The following NF1 variants were observed in gnomAD, a reference collection of about 807,000 sequenced individuals.
NF1 encodes neurofibromin.
A neutral mutation model predicts 325.7 loss-of-function variants in NF1; 122 were observed. That is an observed-to-expected ratio of 0.37 (90% CI 0.32 to 0.44). The LOEUF (loss-of-function observed/expected upper bound fraction) is 0.44. NF1 is among the 20% of genes least tolerant of loss of function. NF1 has a pLI of 1.00. For missense variants in NF1, 2,140 were observed against 3,415.4 expected, an observed-to-expected ratio of 0.63 and a Z score of 9.31; for synonymous variants, 1,091 against 1,186.0, an observed-to-expected ratio of 0.92 and a Z score of 1.65.
chr17:31,349,407 G>T (rs1463798196), intron 49 of NF1, among the ~76,000 whole-genome samples, 156 bp downstream of exon 49: 1 of 152,056 alleles, frequency 6.6e-6, no homozygotes. Flanking sequence ...TGAGAGTTTT[G>T]CCAGAACATT....
intron 36 of NF1, among the ~76,000 whole-genome samples, chr17:31,280,546 A>T (rs1567872174): frequency 1.3e-5 from 2 of 150,090 alleles, no homozygotes; most frequent in Admixed American, 6.6e-5. Flanking sequence ...AAAAAGTAAG[A>T]ATCATACTTA....
intron 32 of NF1, among the ~76,000 whole-genome samples, 167 bp downstream of exon 32, chr17:31,258,669 C>A (rs1446859079): frequency 6.6e-6 from 1 of 152,032 alleles, no homozygotes; most frequent in Admixed American, 6.6e-5. Flanking sequence ...TAGTTAGGTA[C>A]CTGATGGACC....
rs74267083 is a variant in NF1 at position 31,141,309 on chromosome 17, GT to G, written c.61-14660del. 9.8e-3 allele frequency among the ~76,000 whole-genome samples: 1,304 copies of G among 132,436 alleles called. 18 individuals are homozygous for G. The highest frequency in any genetic ancestry group is 0.029 in the African/African-American group (1,071 of 36,502). The allele number at this position is 132,436 out of a possible 152,430, so 86.9% of individuals were successfully genotyped here. ...CTGACACATAGAAGGTGTTAATCTT[GT>G]TTTTTTTTTTTTTAGGTATCTGAAA... On this transcript the variant is annotated intron_variant, in intron 1 of 57. Transcript: ENST00000358273.
At chr17:31,142,897 T>G (rs553623196) in intron 1 of NF1, among the ~76,000 whole-genome samples, 1 of 151,856 alleles carries the variant, frequency 6.6e-6, no homozygotes, top group African/African-American at 2.4e-5. Context: ...AATGAGATGG[T>G]CATATTTTTA....
chr17:31,243,154 T>C (rs571893790), intron 29 of NF1, among the ~76,000 whole-genome samples: 10 of 128,670 alleles, frequency 7.8e-5, no homozygotes, highest in Admixed American at 1.6e-4. Context: ...TACTTTCCTC[T>C]AAACAAACAG....
At chr17:31,334,663 G>T (rs758315470) in intron 39 of NF1, 175 bp from the exon 40 acceptor site, 69 of 600,172 alleles carry the variant, frequency 1.1e-4, no homozygotes, top group Non-Finnish European at 1.8e-4. Flanking sequence ...CTTTCTTCAA[G>T]GACTGTTCTT....
intron 1 of NF1, chr17:31,138,596 GT>G (rs764491897): frequency 1.4e-3 from 176 of 129,012 alleles, no homozygotes; most frequent in African/African-American, 2.5e-3. Context: ...GCATTCTTTA[GT>G]TTTTTTTTTT....
intron 31 of NF1, chr17:31,257,805 T>C (rs887424519): frequency 6.6e-6 from 1 of 152,248 alleles, no homozygotes; most frequent in African/African-American, 2.4e-5. Flanking sequence ...TTTTTTTTTT[T>C]CTCAGTAAGA....
intron 29 of NF1, 127 bp from the exon 30 acceptor site, chr17:31,248,857 T>C (rs1308823351): frequency 2.3e-6 from 2 of 867,228 alleles, no homozygotes; most frequent in Admixed American, 2.7e-5. Flanking sequence ...GTTGGTTGTT[T>C]AAAGATTCCA....
At position 31,228,337 on chromosome 17, in the gene NF1, A is replaced by G. The variant is rs17886172; in HGVS notation, c.2410-688A>G. 1.8e-3 allele frequency among the ~76,000 whole-genome samples: 273 copies of G among 152,320 alleles called. 1 individual carries two copies. The highest frequency in any genetic ancestry group is 6.2e-3 in the African/African-American group (256 of 41,560). On this transcript the variant is annotated intron_variant, in intron 20 of 57. Coordinates refer to ENST00000358273, the MANE Select transcript of NF1 (RefSeq NM_001042492.3). ...GGTGTTTTTGTCATGCTTAATTACAATAGGAAAAAGTTATATTTTTACGAA... is the reference window on the plus strand; with the variant it reads ...GGTGTTTTTGTCATGCTTAATTACAGTAGGAAAAAGTTATATTTTTACGAA...
At position 31,200,601 on chromosome 17, in the gene NF1, A is replaced by G. The variant is rs1060500291; in HGVS notation, c.1062+6A>G. ...CCATGGTGGTTGATCTTAAGGTAACATGCTTATTCTTTCTCTACTACAAAC... is the reference window on the plus strand; with the variant it reads ...CCATGGTGGTTGATCTTAAGGTAACGTGCTTATTCTTTCTCTACTACAAAC... On this transcript the variant is annotated splice_donor_region_variant and intron_variant, in intron 9 of 57. Coordinates refer to ENST00000358273, the MANE Select transcript of NF1 (RefSeq NM_001042492.3). 2 of 1,613,770 alleles carry G rather than the reference A, an allele frequency of 1.2e-6. No homozygotes were observed. Among genetic ancestry groups the G allele is most frequent in the South Asian group, 1.1e-5 (1 of 91,078 alleles).
At chr17:31,304,716 A>C in intron 36 of NF1, 1 of 1,614,192 alleles carries the variant, frequency 6.2e-7, no homozygotes, top group Non-Finnish European at 8.5e-7. Flanking sequence ...TGGAGTCTTC[A>C]ATGTTTTCAC....
intron 1 of NF1, among the ~76,000 whole-genome samples, chr17:31,097,459 CAAAAAAAA>C (rs71142015): frequency 1.3e-5 from 1 of 78,334 alleles, no homozygotes; most frequent in Non-Finnish European, 2.4e-5. Context: ...CTCTTGTCTC[CAAAAAAAA>C]AAAAAAAAAA....
chr17:31,370,253 G>A (rs1239822753), intron 57 of NF1, among the ~76,000 whole-genome samples: 2 of 152,176 alleles, frequency 1.3e-5, no homozygotes, highest in African/African-American at 4.8e-5. Flanking sequence ...TTTTGGTTAT[G>A]AGGGATGGGG....
chr17:31,095,184 G>A lies in NF1; in HGVS notation c.-126G>A, dbSNP rs774232042. 1.2e-4 allele frequency: 94 copies of A among 815,290 alleles called. 1 individual carries two copies. In the South Asian group the frequency reaches 1.2e-3, roughly 11 times the overall value. The allele number at this position is 815,290 out of a possible 1,614,324, so 50.5% of individuals were successfully genotyped here. A position where few individuals can be genotyped will look rare whatever the true frequency, so the allele number is the denominator to read the frequency against. On this transcript the variant is annotated 5_prime_UTR_variant, in exon 1 of 58. Transcript: ENST00000358273. ...CATCCCCACCCCCGTGGGAACACTG[G>A]GAGCCTGCACTCCACAGACCCTCTC...
chr17:31,233,285 A>G (rs1385845161), intron 27 of NF1, 72 bp downstream of exon 27: 6 of 1,350,980 alleles, frequency 4.4e-6, no homozygotes, highest in South Asian at 2.3e-5. Flanking sequence ...TATTTGTTCA[A>G]TAAATGTTTG....
chr17:31,103,596 G>A (rs955830767), intron 1 of NF1, among the ~76,000 whole-genome samples: 9 of 150,548 alleles, frequency 6.0e-5, no homozygotes, highest in Non-Finnish European at 1.2e-4. Context: ...GGCCAGGCTG[G>A]CCTCAAACAC....
Position 31,326,193 on chromosome 17 carries a change from C to T in NF1, c.5209C>T (p.Leu1737=), listed in dbSNP as rs1341372934. ...TGCCACCTTGGCTTTAGAAGAGGAC[C>T]TGAAGGTATTCCACAATGCTCTCAA... The part of the protein sequence containing the change: ...PAATLALEED[L]KVFHNALKLA... The change falls in exon 37 of 58, where the codon CTG becomes TTG. Residue 1737 remains leucine (L), a synonymous_variant. Transcript: ENST00000358273. 5.0e-6 allele frequency: 8 copies of T among 1,613,330 alleles called. No homozygotes were observed. Among genetic ancestry groups the T allele is most frequent in the Non-Finnish European group, 6.8e-6 (8 of 1,179,890 alleles).
chr17:31,329,694 A>G (rs1461809244), intron 38 of NF1, among the ~76,000 whole-genome samples: 6 of 152,196 alleles, frequency 3.9e-5, no homozygotes, highest in Admixed American at 3.9e-4. Context: ...ATATGATGTA[A>G]TGAGGTCATA....
Sources: allele counts gnomAD v4.1 joint callset (sites outside exome capture counted in the v4.1 genomes callset), GRCh38; gene constraint gnomAD v4.1.1; transcripts MANE v1.5; gene names NCBI Gene and HGNC (gene_info 2026-07-23, HGNC 2026-07-21).